The following NPAS2 variants were observed in gnomAD, a reference collection of about 807,000 sequenced individuals.
The protein encoded by NPAS2 is neuronal PAS domain protein 2, also known as neuronal PAS domain-containing protein 2.
In NPAS2, 23 loss-of-function variants were observed where a neutral mutation model predicts 107.5. The ratio of observed to expected loss-of-function variants is 0.21; its 90% CI spans 0.15 to 0.30. The LOEUF (loss-of-function observed/expected upper bound fraction) is 0.30. Ranked by LOEUF, NPAS2 falls within the 10% of genes least tolerant of loss-of-function variation. The pLI is 1.00. For missense variants in NPAS2, 756 were observed against 1,043.3 expected, an observed-to-expected ratio of 0.72 and a Z score of 3.79; for synonymous variants, 403 against 417.5, an observed-to-expected ratio of 0.97 and a Z score of 0.42.
At chr2:100,963,980 A>T in intron 7 of NPAS2, 78 bp from the exon 8 acceptor site, 1 of 847,066 alleles carries the variant, frequency 1.2e-6, no homozygotes, top group African/African-American at 1.7e-5. Context: ...CTTGGCTTAC[A>T]GTTAAGTGCC....
At chr2:100,960,684 G>A (rs754381385) in intron 7 of NPAS2, among the ~76,000 whole-genome samples, 1 of 152,100 alleles carries the variant, frequency 6.6e-6, no homozygotes, top group Non-Finnish European at 1.5e-5. Context: ...TCCCACAGCT[G>A]GCAGAGTGAA....
chr2:100,961,820 T>C (rs1675932212), intron 7 of NPAS2, among the ~76,000 whole-genome samples: 1 of 152,186 alleles, frequency 6.6e-6, no homozygotes, highest in African/African-American at 2.4e-5. Flanking sequence ...CGTTCAAAGA[T>C]GTTGCATCGT....
At chr2:100,930,959 G>A (rs917657422) in intron 3 of NPAS2, among the ~76,000 whole-genome samples, 2 of 152,140 alleles carry the variant, frequency 1.3e-5, no homozygotes, top group Admixed American at 6.5e-5. Flanking sequence ...GGCATTTATG[G>A]GGTTAAATAT....
At chr2:100,914,888 T>C (rs531631262) in intron 2 of NPAS2, among the ~76,000 whole-genome samples, 4 of 152,254 alleles carry the variant, frequency 2.6e-5, no homozygotes, top group Non-Finnish European at 5.9e-5. Context: ...AGGGTGCAGA[T>C]TGGGGAAGCA....
intron 1 of NPAS2, among the ~76,000 whole-genome samples, chr2:100,895,783 C>T (rs571160807): frequency 6.6e-6 from 1 of 152,250 alleles, no homozygotes; most frequent in Non-Finnish European, 1.5e-5. Context: ...CAGACTCAGG[C>T]TTCAGCTGGA....
At chr2:100,821,529 T>G (rs751557756) in intron 1 of NPAS2, among the ~76,000 whole-genome samples, 5 of 152,222 alleles carry the variant, frequency 3.3e-5, no homozygotes, top group Non-Finnish European at 7.3e-5. Flanking sequence ...ACCGTCTTGA[T>G]CATTTAGAAC....
At chr2:100,843,431 G>A (rs190108772) in intron 1 of NPAS2, among the ~76,000 whole-genome samples, 13 of 152,286 alleles carry the variant, frequency 8.5e-5, no homozygotes, top group Admixed American at 2.0e-4. Flanking sequence ...GATTGAGGGG[G>A]CAGGTAAGAA....
At chr2:100,988,305 C>T (rs371291496) in intron 17 of NPAS2, 29 bp downstream of exon 17, 24 of 1,593,208 alleles carry the variant, frequency 1.5e-5, no homozygotes, top group African/African-American at 8.1e-5. Context: ...AGCTTCACTC[C>T]TTGCCTCTAG....
intron 2 of NPAS2, among the ~76,000 whole-genome samples, chr2:100,914,123 G>A (rs186566304): frequency 1.3e-3 from 204 of 152,284 alleles, no homozygotes; most frequent in African/African-American, 1.8e-3. Context: ...TCAGAGAAGC[G>A]CCTCCAAGAT....
chr2:100,955,432 G>A (rs926799228), intron 7 of NPAS2, among the ~76,000 whole-genome samples: 1 of 152,092 alleles, frequency 6.6e-6, no homozygotes. Context: ...TCTTGGCCCC[G>A]GGACACAGCT....
intron 7 of NPAS2, among the ~76,000 whole-genome samples, chr2:100,957,204 A>G (rs1350646538): frequency 1.3e-5 from 2 of 152,226 alleles, no homozygotes; most frequent in Non-Finnish European, 2.9e-5. Flanking sequence ...ACAAGAAAGT[A>G]GTCTTTTTTA....
chr2:100,992,264 A>T (rs1483638246), intron 19 of NPAS2, among the ~76,000 whole-genome samples: 1 of 152,144 alleles, frequency 6.6e-6, no homozygotes, highest in Non-Finnish European at 1.5e-5. Flanking sequence ...AAAATACAAA[A>T]ATTAGCCGGG....
chr2:100,893,327 A>G (rs1167571240), intron 1 of NPAS2, among the ~76,000 whole-genome samples: 1 of 152,142 alleles, frequency 6.6e-6, no homozygotes, highest in Non-Finnish European at 1.5e-5. Context: ...ATAAACCCCC[A>G]TCAATTGGGG....
At chr2:100,883,264 T>A (rs563110580) in intron 1 of NPAS2, among the ~76,000 whole-genome samples, 19 of 152,330 alleles carry the variant, frequency 1.2e-4, no homozygotes, top group Admixed American at 9.2e-4. Context: ...AGGCCAGATG[T>A]TGTCATCAGT....
intron 5 of NPAS2, among the ~76,000 whole-genome samples, chr2:100,938,519 C>T (rs1033937476): frequency 1.4e-4 from 21 of 151,354 alleles, no homozygotes; most frequent in African/African-American, 3.9e-4. Flanking sequence ...TCTTTCCCTC[C>T]GTTCCTTCCC....
chr2:100,985,427 G>A (rs1573800604), intron 16 of NPAS2: 1 of 152,362 alleles, frequency 6.6e-6, no homozygotes, highest in Non-Finnish European at 1.5e-5. Flanking sequence ...AGATAAACAG[G>A]GCAGGGTTTC....
chr2:100,949,855 C>T (rs993956770), intron 7 of NPAS2, among the ~76,000 whole-genome samples: 2 of 152,194 alleles, frequency 1.3e-5, no homozygotes, highest in Admixed American at 1.3e-4. Flanking sequence ...ACACTGTTTC[C>T]CTCCCGCTGC....
At chr2:100,975,185 C>CT (rs1357809757) in intron 13 of NPAS2, 2 of 576,324 alleles carry the variant, frequency 3.5e-6, no homozygotes, top group Non-Finnish European at 6.1e-6. Context: ...GATCTGATCC[C>CT]TTGACTGCTT....
At chr2:100,991,073 C>A (rs531995078) in intron 19 of NPAS2, among the ~76,000 whole-genome samples, 1 of 152,226 alleles carries the variant, frequency 6.6e-6, no homozygotes, top group Non-Finnish European at 1.5e-5. Flanking sequence ...AAACTCAGCG[C>A]TCCATGCTTA....
Sources: gnomAD v4.1 joint callset for allele counts (sites outside exome capture counted in the v4.1 genomes callset) on GRCh38, gnomAD v4.1.1 for gene constraint, MANE v1.5 for transcripts, NCBI Gene and HGNC (gene_info 2026-07-23, HGNC 2026-07-21) for gene names.